GCSAM: variants seen among roughly 807,000 people sequenced by gnomAD.
GCSAM encodes germinal center-associated signaling and motility protein.
In GCSAM, 8 loss-of-function variants were observed where a neutral mutation model predicts 17.6. The ratio of observed to expected loss-of-function variants is 0.46; its 90% CI spans 0.27 to 0.82. GCSAM has a LOEUF of 0.82. Among genes scored for constraint, GCSAM ranks in the 40% least tolerant of loss-of-function variants. GCSAM has a pLI of 0.15. For missense variants in GCSAM, 192 were observed against 213.5 expected (o/e 0.90, Z 0.63); for synonymous variants, 68 against 69.0 (o/e 0.98, Z 0.07).
At chr3:112,123,811 C>G in intron 5 of GCSAM, 39 bp from the exon 6 acceptor site, 3 of 1,584,990 alleles carry the variant, frequency 1.9e-6, no homozygotes, top group Non-Finnish European at 2.6e-6. Context: ...GATTTGGTCT[C>G]TTGCCATGAC....
intron 1 of GCSAM, chr3:112,132,621 G>C (rs571286763): frequency 7.1e-6 from 7 of 984,436 alleles, no homozygotes; most frequent in East Asian, 1.1e-4. Context: ...ATTTAATCTA[G>C]ATGACCTCTG....
At chr3:112,130,225 C>T in intron 2 of GCSAM, 1 of 572,204 alleles carries the variant, frequency 1.7e-6, no homozygotes, top group South Asian at 2.2e-5. Flanking sequence ...GTCTTAGTTC[C>T]TGTTGCTAGG....
chr3:112,127,098 C>A, intron 3 of GCSAM, 65 bp from the exon 4 acceptor site: 1 of 1,034,476 alleles, frequency 9.7e-7, no homozygotes, highest in Admixed American at 2.1e-5. Flanking sequence ...ATGACACAAG[C>A]CTACAAAACT....
At chr3:112,124,460 T>C (rs1204679099) in intron 5 of GCSAM, among the ~76,000 whole-genome samples, 1 of 151,950 alleles carries the variant, frequency 6.6e-6, no homozygotes, top group African/African-American at 2.4e-5. Context: ...AATACAAAAA[T>C]TAGCCAGGTG....
At chr3:112,131,105 T>A (rs2074440885) in intron 1 of GCSAM, 1 of 152,822 alleles carries the variant, frequency 6.5e-6, no homozygotes, top group Admixed American at 6.5e-5. Flanking sequence ...ACTTACTATA[T>A]GCCAATCATT....
In GCSAM at chr3:112,123,586, T is replaced by TA; in HGVS notation, c.405dup (p.Thr136TyrfsTer12). 1 of 1,614,082 alleles carries TA rather than the reference T, an allele frequency of 6.2e-7. No individual in the cohort carries two copies. The highest frequency in any genetic ancestry group is 8.5e-7 in the Non-Finnish European group (1 of 1,179,948). On this transcript the variant is annotated frameshift_variant, in exon 6 of 6. Coordinates refer to ENST00000308910, the MANE Select transcript of GCSAM (RefSeq NM_152785.5). LOFTEE classifies it low-confidence loss of function (END_TRUNC). Reference sequence around the variant, plus strand: ...GGGGATCGGGCATGCCTGGGGTCTGTAGAAGGCATATGTAGAAGTGAATAC... The same window carrying TA: ...GGGGATCGGGCATGCCTGGGGTCTGTAAGAAGGCATATGTAGAAGTGAATAC...
rs938441465 is a variant in GCSAM at position 112,122,271 on chromosome 3, G to A, written c.*1184C>T. ...AAGTATATTTATTTTGGCTCTTTAG[G>A]GCCTATGGTCCATGTCACAATTACT... On this transcript the variant is annotated 3_prime_UTR_variant, in exon 6 of 6. Transcript: ENST00000308910. 6.6e-6 allele frequency: 1 copy of A among 152,030 alleles called. No homozygotes were observed. The highest frequency in any genetic ancestry group is 2.4e-5 in the African/African-American group (1 of 41,372). 9.4% of individuals were successfully genotyped at this position (152,030 alleles called of 1,614,324 possible).
At chr3:112,124,418 G>A (rs528797393) in intron 5 of GCSAM, among the ~76,000 whole-genome samples, 41 of 152,102 alleles carry the variant, frequency 2.7e-4, no homozygotes, top group Non-Finnish European at 5.7e-4. Flanking sequence ...AGACCAGCCT[G>A]GCCAACATGG....
rs2074237568 is a variant in GCSAM at position 112,123,444 on chromosome 3, C to T, written c.*11G>A. On this transcript the variant is annotated 3_prime_UTR_variant, in exon 6 of 6. Coordinates refer to ENST00000308910, the MANE Select transcript of GCSAM (RefSeq NM_152785.5). The stretch of plus-strand genomic sequence containing the variant: ...TGTTGGTGCTAAACAAATGCTAGTC[C>T]AGCCACTTCACTATAAATGGGAAAA... The T allele has an allele frequency of 3.1e-6, 5 of 1,611,406 alleles. No homozygotes were observed. The highest frequency in any genetic ancestry group is 3.3e-5 in the Admixed American group (2 of 59,878).
intron 4 of GCSAM, 114 bp downstream of exon 4, chr3:112,126,873 T>A (rs979258540): frequency 1.4e-5 from 11 of 774,736 alleles, no homozygotes; most frequent in African/African-American, 3.5e-5. Context: ...TAAAGCAAAA[T>A]GTGTAGATAT....
Position 112,128,068 on chromosome 3 carries a change from T to C in GCSAM, c.99-7A>G, listed in dbSNP as rs368733971. On this transcript the variant is annotated splice_polypyrimidine_tract_variant and splice_region_variant and intron_variant, in intron 2 of 5. Transcript: ENST00000308910. The stretch of plus-strand genomic sequence containing the variant: ...GATATGGTGATCCCAGCATCTAAAA[T>C]ACCCAAGAGAGATGGCAAATCATAA... 8.1e-6 allele frequency: 13 copies of C among 1,612,856 alleles called. No homozygotes were observed. In the African/African-American group the frequency reaches 1.5e-4, roughly 18 times the overall value.
chr3:112,132,542 TA>T (rs1283514081), intron 1 of GCSAM: 2 of 449,276 alleles, frequency 4.5e-6, no homozygotes, highest in Non-Finnish European at 5.9e-6. Context: ...CTAAGGTAGA[TA>T]TTGTATTATT....
At chr3:112,131,756 A>C (rs1004968155) in intron 1 of GCSAM, among the ~76,000 whole-genome samples, 1 of 152,214 alleles carries the variant, frequency 6.6e-6, no homozygotes, top group African/African-American at 2.4e-5. Context: ...CAAAATCAAA[A>C]CTTATGTGAG....
At chr3:112,129,621 T>C (rs917180321) in intron 2 of GCSAM, 13 of 152,190 alleles carry the variant, frequency 8.5e-5, no homozygotes, top group African/African-American at 3.1e-4. Flanking sequence ...TCTGATTTAT[T>C]TCATCATTTG....
At chr3:112,128,436 C>T (rs1395448022) in intron 2 of GCSAM, 1 of 371,060 alleles carries the variant, frequency 2.7e-6, no homozygotes, top group African/African-American at 2.1e-5. Context: ...ATGGGTTAGG[C>T]AATATCAGTA....
intron 2 of GCSAM, chr3:112,128,788 A>G (rs2074387934): frequency 6.4e-6 from 1 of 155,718 alleles, no homozygotes; most frequent in South Asian, 2.0e-4. Flanking sequence ...GCAGTCCTGC[A>G]TCTACATTAA....
At chr3:112,127,954 CA>C (rs2107807976) in intron 3 of GCSAM, 62 bp downstream of exon 3, 1 of 1,422,804 alleles carries the variant, frequency 7.0e-7, no homozygotes, top group Admixed American at 1.7e-5. Context: ...AGGTAACTTA[CA>C]GCAAATACCA....
chr3:112,123,238 C>T lies in GCSAM; in HGVS notation c.*217G>A, dbSNP rs1576157845. The T allele has an allele frequency of 1.2e-6, 1 of 845,736 alleles. No individual in the cohort carries two copies. Among genetic ancestry groups the T allele is most frequent in the South Asian group, 1.9e-5 (1 of 53,700 alleles). The allele number at this position is 845,736 out of a possible 1,614,324, so 52.4% of individuals were successfully genotyped here. ...CATGTAGAACCAAAGATGGTTACCT[C>T]TTTCTCAAATGGTGTTGTTCAGGAT... On this transcript the variant is annotated 3_prime_UTR_variant, in exon 6 of 6. Coordinates refer to ENST00000308910, the MANE Select transcript of GCSAM (RefSeq NM_152785.5).
rs961512244 is a variant in GCSAM at position 112,120,926 on chromosome 3, CTT to C, written c.*2527_*2528del. ...ACACTCATATCAGAATTTTTTAACT[CTT>C]TTTTTGTTCTTAATATTATTTTTGA... On this transcript the variant is annotated 3_prime_UTR_variant, in exon 6 of 6. Coordinates refer to ENST00000308910, the MANE Select transcript of GCSAM (RefSeq NM_152785.5). 3 of 152,020 alleles carry C rather than the reference CTT, an allele frequency of 2.0e-5. No individual in the cohort carries two copies. The highest frequency in any genetic ancestry group is 4.8e-5 in the African/African-American group (2 of 41,388). 9.4% of individuals were successfully genotyped at this position (152,020 alleles called of 1,614,324 possible).
Sources: allele counts gnomAD v4.1 joint callset (sites outside exome capture counted in the v4.1 genomes callset), GRCh38; gene constraint gnomAD v4.1.1; transcripts MANE v1.5; gene names NCBI Gene and HGNC (gene_info 2026-07-23, HGNC 2026-07-21).